The following NEDD4 variants were observed in gnomAD, a reference collection of about 807,000 sequenced individuals.
NEDD4 encodes the protein NEDD4 E3 ubiquitin protein ligase.
A neutral mutation model predicts 144.9 loss-of-function variants in NEDD4; 99 were observed. That is an observed-to-expected ratio of 0.68 (90% confidence interval 0.58 to 0.81). NEDD4 has a LOEUF of 0.81. Ranked by LOEUF, NEDD4 falls within the 30% of genes least tolerant of loss-of-function variation. The pLI is 0.00. For synonymous variants in NEDD4, 318 were observed against 350.6 expected, an observed-to-expected ratio of 0.91 and a Z score of 1.04; for missense variants, 985 against 1,065.9, an observed-to-expected ratio of 0.92 and a Z score of 1.06.
intron 1 of NEDD4, among the ~76,000 whole-genome samples, chr15:55,978,922 C>CAA (rs61198421): frequency 0.091 from 11,706 of 128,618 alleles, 628 homozygotes; most frequent in East Asian, 0.32. Flanking sequence ...CTTGACAACG[C>CAA]AAAAAAAAAA....
chr15:55,840,703 A>G lies in NEDD4; in HGVS notation c.1863T>C (p.Asn621=), dbSNP rs1312234241. Residue 621 remains asparagine (N), a synonymous_variant, in exon 20 of 29, where the codon AAT becomes AAC. Transcript: ENST00000435532. ...SATDNYTLQI[N]PNSGLCNEDH... ...CTTCGTTACACAATCCAGAGTTTGG[A>G]TTTATCTGTAGGGTATAATTGTCCC... 6.2e-7 allele frequency: 1 copy of G among 1,613,876 alleles called. No homozygotes were observed. Among genetic ancestry groups the G allele is most frequent in the Non-Finnish European group, 8.5e-7 (1 of 1,179,992 alleles).
chr15:55,922,392 C>T (rs116492893), intron 5 of NEDD4, among the ~76,000 whole-genome samples: 54 of 151,998 alleles, frequency 3.6e-4, no homozygotes, highest in Admixed American at 2.6e-3. Flanking sequence ...GACAGAGTTT[C>T]GCTCTTGTCA....
intron 24 of NEDD4, among the ~76,000 whole-genome samples, chr15:55,836,902 T>C (rs1595726759): frequency 1.3e-5 from 2 of 151,450 alleles, no homozygotes; most frequent in African/African-American, 2.4e-5. Context: ...CAAGCAATCC[T>C]CCCGCCTCAG....
Position 55,842,009 on chromosome 15 carries a change from A to G in NEDD4, c.1763T>C (p.Val588Ala). The change falls in exon 19 of 29, where the codon GTT (valine) becomes GCT (alanine). Residue 588 changes from valine (V) to alanine (A), a missense_variant. By Grantham distance (64) the Val-to-Ala change is moderately conservative (BLOSUM62 0). Coordinates refer to ENST00000435532, the MANE Select transcript of NEDD4 (RefSeq NM_006154.4). ...GATCAGGAAGAACCATTCTCTGGCA[A>G]CTCCTCCATAATCCAATCCCTTTTC... ...DGEKGLDYGGVAREWFFLISK... is the reference protein window; with the variant it reads ...DGEKGLDYGGAAREWFFLISK... 2 of 1,614,126 alleles carry G rather than the reference A, an allele frequency of 1.2e-6. No homozygotes were observed. Among genetic ancestry groups the G allele is most frequent in the Non-Finnish European group, 1.7e-6 (2 of 1,180,028 alleles).
Position 55,829,821 on chromosome 15 carries a change from TC to T in NEDD4, c.*75del. ...GACTCAGTGGCCACATTTTAGTAGT[TC>T]CCCGGAAAATTTTAAGTCAAGATTT... On this transcript the variant is annotated 3_prime_UTR_variant, in exon 29 of 29. Coordinates refer to ENST00000435532, the MANE Select transcript of NEDD4 (RefSeq NM_006154.4). 1 of 1,085,790 alleles carries T rather than the reference TC, an allele frequency of 9.2e-7. No individual in the cohort carries two copies. Among genetic ancestry groups the T allele is most frequent in the Non-Finnish European group, 1.3e-6 (1 of 744,868 alleles). 67.3% of individuals were successfully genotyped at this position (1,085,790 alleles called of 1,614,324 possible). A position where few individuals can be genotyped will look rare whatever the true frequency, so the allele number is the denominator to read the frequency against.
intron 4 of NEDD4, among the ~76,000 whole-genome samples, chr15:55,943,814 T>C (rs899491030): frequency 2.0e-5 from 3 of 152,054 alleles, no homozygotes; most frequent in African/African-American, 4.8e-5. Context: ...GAATGGGAGA[T>C]TGACTAACCG....
rs1356970178 is a variant in NEDD4, at chr15:55,828,677, A to G, written c.*1220T>C. Reference sequence around the variant, plus strand: ...ATAAACGTTTGATGAATACATGTACATGGTCTTTATGTACTTCAGTTTGGT... The same window carrying G: ...ATAAACGTTTGATGAATACATGTACGTGGTCTTTATGTACTTCAGTTTGGT... On this transcript the variant is annotated 3_prime_UTR_variant, in exon 29 of 29. Coordinates refer to ENST00000435532, the MANE Select transcript of NEDD4 (RefSeq NM_006154.4). The G allele has an allele frequency of 3.9e-5, 6 of 152,630 alleles. No individual in the cohort carries two copies. Among genetic ancestry groups the G allele is most frequent in the East Asian group, 3.9e-4 (2 of 5,190 alleles). 9.5% of individuals were successfully genotyped at this position (152,630 alleles called of 1,614,324 possible).
At chr15:55,985,758 C>T (rs1334890322) in intron 1 of NEDD4, among the ~76,000 whole-genome samples, 1 of 112,214 alleles carries the variant, frequency 8.9e-6, no homozygotes, top group African/African-American at 4.2e-5. Context: ...GTAGAGTACA[C>T]ATACACACAC....
rs192770747 is a variant in NEDD4, at chr15:55,927,543, C to T, written c.238-2844G>A. 3.4e-4 allele frequency among the ~76,000 whole-genome samples: 52 copies of T among 152,190 alleles called. 2 individuals carry two copies. In the East Asian group the frequency reaches 9.9e-3, roughly 29 times the overall value. On this transcript the variant is annotated intron_variant, in intron 4 of 28. Transcript: ENST00000435532. ...AACTCCTGGGCTCAAGTGTTCCTCC[C>T]GTCATGGCCTCACAAGAATATTTTT...
chr15:55,900,495 A>G (rs887716886), intron 5 of NEDD4, among the ~76,000 whole-genome samples: 1 of 152,224 alleles, frequency 6.6e-6, no homozygotes, highest in African/African-American at 2.4e-5. Flanking sequence ...TCAGTATAAT[A>G]TATTTCGGCA....
At chr15:55,853,917 G>A (rs1207887296) in intron 12 of NEDD4, among the ~76,000 whole-genome samples, 3 of 152,160 alleles carry the variant, frequency 2.0e-5, no homozygotes, top group Non-Finnish European at 4.4e-5. Flanking sequence ...CTTGAACCGG[G>A]AGGCAGAGGT....
chr15:55,871,072 G>A (rs1388924429), intron 7 of NEDD4, among the ~76,000 whole-genome samples: 1 of 152,074 alleles, frequency 6.6e-6, no homozygotes, highest in Admixed American at 6.5e-5. Context: ...TCTCTGTATG[G>A]TTCTCATGGA....
chr15:55,837,294 G>A (rs2033252884), intron 24 of NEDD4, among the ~76,000 whole-genome samples: 1 of 151,996 alleles, frequency 6.6e-6, no homozygotes, highest in Non-Finnish European at 1.5e-5. Context: ...GCCAGGCGTG[G>A]TGGCGGGCAC....
intron 2 of NEDD4, chr15:55,952,683 G>C (rs905614353): frequency 2.6e-5 from 4 of 152,250 alleles, no homozygotes; most frequent in Admixed American, 6.5e-5. Context: ...GAGTCCTCTT[G>C]TTTTGAGTCT....
intron 5 of NEDD4, among the ~76,000 whole-genome samples, chr15:55,882,828 G>C (rs1349241763): frequency 6.6e-6 from 1 of 152,182 alleles, no homozygotes; most frequent in African/African-American, 2.4e-5. Flanking sequence ...TACCAGCTCA[G>C]CCATAGTAGG....
At chr15:55,913,596 TC>T (rs1461234940) in intron 5 of NEDD4, among the ~76,000 whole-genome samples, 1 of 152,000 alleles carries the variant, frequency 6.6e-6, no homozygotes, top group Non-Finnish European at 1.5e-5. Context: ...AATCCAATAA[TC>T]TACCAAAAGA....
chr15:55,911,534 A>T (rs8031597), intron 5 of NEDD4, among the ~76,000 whole-genome samples: 109,163 of 150,486 alleles, frequency 0.73, 39,645 homozygotes, highest in East Asian at 0.87. Flanking sequence ...CTGAAAAAAA[A>T]TTTTTTTTTT....
At chr15:55,849,889 T>G (rs1361963470) in intron 14 of NEDD4, among the ~76,000 whole-genome samples, 1 of 151,558 alleles carries the variant, frequency 6.6e-6, no homozygotes, top group Non-Finnish European at 1.5e-5. Flanking sequence ...GCCTCCTGGG[T>G]TCATGCCATT....
At chr15:55,928,567 C>T (rs2036720193) in intron 4 of NEDD4, among the ~76,000 whole-genome samples, 1 of 152,166 alleles carries the variant, frequency 6.6e-6, no homozygotes, top group African/African-American at 2.4e-5. Context: ...CTACTAATTG[C>T]TTCTTGCATT....
Sources: allele counts gnomAD v4.1 joint callset (sites outside exome capture counted in the v4.1 genomes callset), GRCh38; gene constraint gnomAD v4.1.1; transcripts MANE v1.5; gene names NCBI Gene and HGNC (gene_info 2026-07-23, HGNC 2026-07-21).